Variants in TMEM232 observed in about 807,000 individuals in gnomAD.
TMEM232 encodes transmembrane protein 232.
TMEM232 carries 80 observed loss-of-function variants against 78.8 expected under a neutral mutation model. The ratio of observed to expected loss-of-function variants is 1.01; its 90% CI spans 0.85 to 1.22. The LOEUF is 1.22. TMEM232 is among the 50% of genes most tolerant of loss of function. The pLI, the probability that TMEM232 is intolerant of heterozygous loss-of-function variation, is 0.00. For synonymous variants in TMEM232, 297 were observed against 254.3 expected (o/e 1.17, Z -1.60); for missense variants, 881 against 742.2 (o/e 1.19, Z -2.17).
intron 3 of TMEM232, 116 bp from the exon 4 acceptor site, chr5:110,641,112 G>A: frequency 3.4e-6 from 2 of 594,922 alleles, no homozygotes; most frequent in Non-Finnish European, 5.2e-6. Flanking sequence ...ATGCTTGGTG[G>A]CCAGAGTTGT....
At position 110,692,695 on chromosome 5, in the gene TMEM232, G is replaced by A. The variant is rs6897433; in HGVS notation, c.-12-25331C>T. 1.6e-3 allele frequency among the ~76,000 whole-genome samples: 244 copies of A among 152,304 alleles called. 2 individuals carry two copies. The highest frequency in any genetic ancestry group is 3.2e-3 in the African/African-American group (133 of 41,566). On this transcript the variant is annotated intron_variant, in intron 1 of 13. Transcript: ENST00000455884. ...GAGGGTCTTACACCCATGGAGCATC[G>A]CTCATTGCTAGCACAGCAGTCTGAG...
At chr5:110,539,694 T>G (rs527292527) in intron 11 of TMEM232, among the ~76,000 whole-genome samples, 1 of 152,264 alleles carries the variant, frequency 6.6e-6, no homozygotes, top group South Asian at 2.1e-4. Flanking sequence ...GGGAGTATAT[T>G]CCAGTACATG....
At chr5:110,577,057 A>G (rs1777650182) in intron 10 of TMEM232, among the ~76,000 whole-genome samples, 1 of 152,074 alleles carries the variant, frequency 6.6e-6, no homozygotes, top group Non-Finnish European at 1.5e-5. Context: ...CTAAACGGCT[A>G]CTGCACAGCA....
chr5:110,574,041 T>C (rs923136356), intron 10 of TMEM232, among the ~76,000 whole-genome samples: 4 of 152,060 alleles, frequency 2.6e-5, no homozygotes, highest in Non-Finnish European at 4.4e-5. Flanking sequence ...GCTTTTTTTT[T>C]CACTAATTCA....
At chr5:110,676,118 A>C (rs1791991287) in intron 1 of TMEM232, among the ~76,000 whole-genome samples, 1 of 152,234 alleles carries the variant, frequency 6.6e-6, no homozygotes, top group Non-Finnish European at 1.5e-5. Context: ...TTTAAAAGCT[A>C]AATTACATAT....
intron 4 of TMEM232, among the ~76,000 whole-genome samples, chr5:110,388,270 G>A (rs1755055406): frequency 6.6e-6 from 1 of 151,814 alleles, no homozygotes. Context: ...TTATACAAGT[G>A]GGCTTTCCAC....
intron 5 of TMEM232, among the ~76,000 whole-genome samples, chr5:110,637,125 T>C (rs942361627): frequency 6.7e-6 from 1 of 150,126 alleles, no homozygotes; most frequent in South Asian, 2.1e-4. Flanking sequence ...TATTTTTATA[T>C]ATTTTATTTT....
intron 12 of TMEM232, among the ~76,000 whole-genome samples, chr5:110,493,033 C>T (rs1393174692): frequency 6.6e-6 from 1 of 151,818 alleles, no homozygotes; most frequent in Non-Finnish European, 1.5e-5. Flanking sequence ...ATAATACATT[C>T]TCTACTTTTC....
At chr5:110,622,983 A>G (rs1561404392) in intron 7 of TMEM232, among the ~76,000 whole-genome samples, 1 of 135,358 alleles carries the variant, frequency 7.4e-6, no homozygotes, top group East Asian at 2.1e-4. Context: ...CCTAAAACTT[A>G]AAGTATAATA....
At chr5:110,436,602 A>G (rs999345852) in intron 12 of TMEM232, among the ~76,000 whole-genome samples, 13 of 152,062 alleles carry the variant, frequency 8.5e-5, no homozygotes, top group Admixed American at 3.3e-4. Flanking sequence ...ACTAGACTTA[A>G]GTCTTTAATC....
chr5:110,588,975 T>C (rs1779176739), intron 10 of TMEM232, among the ~76,000 whole-genome samples: 1 of 152,144 alleles, frequency 6.6e-6, no homozygotes, highest in African/African-American at 2.4e-5. Flanking sequence ...CCAAGTTTTA[T>C]TATTACAACA....
chr5:110,702,280 T>C (rs1162238438), intron 1 of TMEM232, among the ~76,000 whole-genome samples: 1 of 152,020 alleles, frequency 6.6e-6, no homozygotes, highest in Admixed American at 6.6e-5. Flanking sequence ...CCCAAAACCA[T>C]GGAGGACAGT....
intron 12 of TMEM232, chr5:110,513,866 A>G (rs763182246): frequency 5.9e-6 from 1 of 169,822 alleles, no homozygotes; most frequent in Non-Finnish European, 1.5e-5. Flanking sequence ...AGTTTTTGCA[A>G]TTACTTAAAA....
intron 10 of TMEM232, among the ~76,000 whole-genome samples, chr5:110,578,558 A>G (rs568543174): frequency 6.6e-6 from 1 of 152,082 alleles, no homozygotes; most frequent in South Asian, 2.1e-4. Flanking sequence ...TTGTTCACCT[A>G]TAACTGCCTT....
intron 12 of TMEM232, among the ~76,000 whole-genome samples, chr5:110,434,546 A>G (rs891282588): frequency 6.6e-6 from 1 of 151,564 alleles, no homozygotes; most frequent in African/African-American, 2.4e-5. Flanking sequence ...AGAAACTGGT[A>G]CAAATGCCAC....
intron 5 of TMEM232, among the ~76,000 whole-genome samples, chr5:110,632,580 G>A (rs1468464940): frequency 1.3e-5 from 2 of 151,910 alleles, no homozygotes; most frequent in African/African-American, 4.8e-5. Flanking sequence ...AACAAAATCT[G>A]GATTTGAAGA....
intron 10 of TMEM232, among the ~76,000 whole-genome samples, chr5:110,579,672 A>G (rs1365396059): frequency 6.6e-6 from 1 of 151,478 alleles, no homozygotes; most frequent in Non-Finnish European, 1.5e-5. Flanking sequence ...TACCTACAGA[A>G]GTTACACGAA....
At chr5:110,496,960 A>C (rs1173313338) in intron 12 of TMEM232, among the ~76,000 whole-genome samples, 1 of 152,042 alleles carries the variant, frequency 6.6e-6, no homozygotes, top group Non-Finnish European at 1.5e-5. Context: ...TATTTGGTGG[A>C]AACAAACAGA....
chr5:110,663,452 A>G (rs953441333), intron 2 of TMEM232, among the ~76,000 whole-genome samples: 9 of 152,096 alleles, frequency 5.9e-5, no homozygotes, highest in South Asian at 4.1e-4. Context: ...GTTATTAGGG[A>G]ATCTTAAAAA....
Sources: gnomAD v4.1 joint callset for allele counts (sites outside exome capture counted in the v4.1 genomes callset) on GRCh38, gnomAD v4.1.1 for gene constraint, MANE v1.5 for transcripts, NCBI Gene and HGNC (gene_info 2026-07-23, HGNC 2026-07-21) for gene names.